The following NUP214 variants were observed in gnomAD, a reference collection of about 807,000 sequenced individuals.
NUP214 encodes nuclear pore complex protein Nup214.
In NUP214, 79 loss-of-function variants were observed where a neutral mutation model predicts 196.2. The observed-to-expected ratio is 0.40, with a 90% CI of 0.34 to 0.49. The LOEUF is 0.49. Ranked by LOEUF, NUP214 falls within the 20% of genes least tolerant of loss-of-function variation. NUP214 has a pLI of 0.58. For missense variants in NUP214, 2,468 were observed against 2,539.0 expected (o/e 0.97, Z 0.60); for synonymous variants, 1,020 against 990.5 (o/e 1.03, Z -0.56).
Position 131,125,954 on chromosome 9 carries a change from A to G in NUP214, c.45+205A>G. 1 of 628,544 alleles carries G rather than the reference A, an allele frequency of 1.6e-6. No homozygotes were observed. Among genetic ancestry groups the G allele is most frequent in the Non-Finnish European group, 2.8e-6 (1 of 362,390 alleles). The allele number at this position is 628,544 out of a possible 1,614,324, so 38.9% of individuals were successfully genotyped here. ...TCCCAGTCCCATCCTGGTCTCGTGC[A>G]CGGCTGTTGAGTTACCCTAGCTACT... On this transcript the variant is annotated intron_variant, in intron 1 of 35. Coordinates refer to ENST00000359428, the MANE Select transcript of NUP214 (RefSeq NM_005085.4). This position sits in a 1 kb window ranked among gnomAD's most constrained non-coding sequence, Gnocchi z 4.1.
chr9:131,128,273 G>T (rs1336865650), intron 2 of NUP214, 59 bp from the exon 3 acceptor site: 5 of 1,543,466 alleles, frequency 3.2e-6, no homozygotes, highest in Non-Finnish European at 4.4e-6. Context: ...CTGGATAGAG[G>T]TTGTGGCTTT....
rs559015007 is a variant in NUP214, at chr9:131,155,321, A to C, written c.2436+3427A>C. 6.2e-4 allele frequency among the ~76,000 whole-genome samples: 95 copies of C among 152,124 alleles called. 1 individual carries two copies. The highest frequency in any genetic ancestry group is 5.2e-3 in the South Asian group (25 of 4,822). ...AATTGTCTGTTCATGTCCTTAGCCC[A>C]CTTTTTGATGGGATTGTTTGTTTTG... On this transcript the variant is annotated intron_variant, in intron 17 of 35. Transcript: ENST00000359428.
chr9:131,144,680 G>A lies in NUP214; in HGVS notation c.1695G>A (p.Val565=). The A allele has an allele frequency of 1.9e-6, 3 of 1,614,150 alleles. No homozygotes were observed. Among genetic ancestry groups the A allele is most frequent in the East Asian group, 2.2e-5 (1 of 44,886 alleles). ...TGGAAAGCACACCAGTGCCAAGTGT[G>A]TCTGCTCCAAATATAGCAATGAAGC... ...PTLESTPVPS[V]SAPNIAMKPS... Residue 565 remains valine, a synonymous_variant, in exon 12 of 36, where the codon GTG becomes GTA. Coordinates refer to ENST00000359428, the MANE Select transcript of NUP214 (RefSeq NM_005085.4).
intron 31 of NUP214, chr9:131,222,510 A>G: frequency 3.2e-6 from 1 of 308,542 alleles, no homozygotes; most frequent in Non-Finnish European, 6.0e-6. Context: ...TTTCAGTGGG[A>G]CCTCTCACTG....
At position 131,135,465 on chromosome 9, in the gene NUP214, C is replaced by A. The variant is rs536669803; in HGVS notation, c.938+461C>A. On this transcript the variant is annotated intron_variant, in intron 8 of 35. Coordinates refer to ENST00000359428, the MANE Select transcript of NUP214 (RefSeq NM_005085.4). ...TAATGTCTTTCTATTATTTCTGTTT[C>A]CCCAATCTTGAATTATTTATCTTAA... Among the ~76,000 whole-genome samples the A allele has an allele frequency of 5.9e-5, 9 of 152,258 alleles. No homozygotes were observed. The South Asian group carries it at 1.9e-3, about 32-fold the overall frequency.
intron 11 of NUP214, among the ~76,000 whole-genome samples, chr9:131,142,917 A>G (rs1429543077): frequency 6.6e-6 from 1 of 152,236 alleles, no homozygotes; most frequent in Non-Finnish European, 1.5e-5. Flanking sequence ...AATAGAAAAT[A>G]TTGACACAAA....
At chr9:131,230,314 T>G in intron 33 of NUP214, 1 of 284,452 alleles carries the variant, frequency 3.5e-6, no homozygotes, top group Non-Finnish European at 6.6e-6. Context: ...AGCTTAAGGA[T>G]TGTTGGAGGT....
rs570570973 is a variant in NUP214, at chr9:131,201,145, A to G, written c.5522-502A>G. ...TTCATAAGTTGATTTATTATGGGCT[A>G]TCTTAGCACACCTGAATGTCATTTA... On this transcript the variant is annotated intron_variant, in intron 29 of 35. Coordinates refer to ENST00000359428, the MANE Select transcript of NUP214 (RefSeq NM_005085.4). Among the ~76,000 whole-genome samples the G allele has an allele frequency of 2.7e-5, 4 of 149,664 alleles. No homozygotes were observed. In the South Asian group the frequency reaches 8.7e-4, roughly 32 times the overall value.
At chr9:131,130,394 C>G (rs1158575575) in intron 4 of NUP214, among the ~76,000 whole-genome samples, 3 of 152,014 alleles carry the variant, frequency 2.0e-5, no homozygotes, top group African/African-American at 7.2e-5. Flanking sequence ...ATCCGTCCGT[C>G]TCATCCTCCC....
chr9:131,184,680 A>G (rs925885212), intron 24 of NUP214, among the ~76,000 whole-genome samples: 5 of 152,140 alleles, frequency 3.3e-5, no homozygotes, highest in African/African-American at 1.2e-4. Context: ...CTCTAATGCA[A>G]TTCCGTCTTA....
intron 30 of NUP214, among the ~76,000 whole-genome samples, chr9:131,206,261 T>G (rs1007793465): frequency 1.3e-5 from 2 of 150,630 alleles, no homozygotes; most frequent in African/African-American, 4.9e-5. Context: ...TTCTCCTGCC[T>G]TAGCTACCCA....
intron 18 of NUP214, 65 bp downstream of exon 18, chr9:131,159,551 T>TA: frequency 7.4e-7 from 1 of 1,351,776 alleles, no homozygotes; most frequent in Middle Eastern, 1.8e-4. Context: ...TTAAAAAGGT[T>TA]ATTTAGGAAC....
intron 32 of NUP214, among the ~76,000 whole-genome samples, chr9:131,224,708 T>G (rs1161029232): frequency 6.6e-6 from 1 of 152,248 alleles, no homozygotes; most frequent in East Asian, 1.9e-4. Context: ...TTGTTAATAC[T>G]GTTTTCCTAG....
chr9:131,159,241 C>T (rs115967576), intron 17 of NUP214, 142 bp from the exon 18 acceptor site: 2 of 636,914 alleles, frequency 3.1e-6, no homozygotes, highest in Non-Finnish European at 5.4e-6. Flanking sequence ...TTTTAAAAAT[C>T]GTATTAAAAC....
At position 131,144,690 on chromosome 9, in the gene NUP214, A is replaced by G. The variant is rs565629017; in HGVS notation, c.1705A>G (p.Asn569Asp). ...ACCAGTGCCAAGTGTGTCTGCTCCA[A>G]ATATAGCAATGAAGCCCTCCTTCCC... ...STPVPSVSAP[N>D]IAMKPSFPPS... The change falls in exon 12 of 36, where the codon AAT becomes GAT. Residue 569 changes from asparagine to aspartate, a missense_variant. By Grantham distance (23) the Asn-to-Asp change is conservative. This residue lies in a region of NUP214 where 1,801 missense variants were observed against 1,779.4 expected (regional missense o/e 1.01). Transcript: ENST00000359428. 7 of 1,614,078 alleles carry G rather than the reference A, an allele frequency of 4.3e-6. No individual in the cohort carries two copies. Among genetic ancestry groups the G allele is most frequent in the African/African-American group, 2.7e-5 (2 of 75,046 alleles).
In NUP214 at chr9:131,146,001, C is replaced by A; in HGVS notation, c.1770-128C>A. 1 of 904,792 alleles carries A rather than the reference C, an allele frequency of 1.1e-6. No individual in the cohort carries two copies. The allele number at this position is 904,792 out of a possible 1,614,324, so 56.0% of individuals were successfully genotyped here. On this transcript the variant is annotated intron_variant, in intron 12 of 35. Transcript: ENST00000359428. This position sits in a 1 kb window ranked among gnomAD's most constrained non-coding sequence, Gnocchi z 4.6. ...GCTAAACATTTTTGTTTCCTGAAGG[C>A]AAAAAGTATGTTATCTTTGTAAGTT...
At chr9:131,195,347 C>CA in intron 28 of NUP214, 53 bp downstream of exon 28, 1 of 1,444,188 alleles carries the variant, frequency 6.9e-7, no homozygotes, top group Non-Finnish European at 9.7e-7. Flanking sequence ...TAAATAAGTA[C>CA]AGGTTATTTT....
In NUP214 at chr9:131,151,635, C is replaced by T. The variant is rs1035221489; in HGVS notation, c.2278-101C>T. On this transcript the variant is annotated intron_variant, in intron 16 of 35. Coordinates refer to ENST00000359428, the MANE Select transcript of NUP214 (RefSeq NM_005085.4). Reference sequence around the variant, plus strand: ...AGTTAAATATGTTCAGATGTTCATTCTGTTCAGTGAGCGTTTGAGAAACAC... The same window carrying T: ...AGTTAAATATGTTCAGATGTTCATTTTGTTCAGTGAGCGTTTGAGAAACAC... 3 of 793,162 alleles carry T rather than the reference C, an allele frequency of 3.8e-6. No individual in the cohort carries two copies. In the African/African-American group the frequency reaches 5.3e-5, roughly 14 times the overall value. 49.1% of individuals were successfully genotyped at this position (793,162 alleles called of 1,614,324 possible). A position where few individuals can be genotyped will look rare whatever the true frequency, so the allele number is the denominator to read the frequency against.
chr9:131,185,220 T>C (rs560254661), intron 24 of NUP214, among the ~76,000 whole-genome samples: 2 of 152,364 alleles, frequency 1.3e-5, no homozygotes, highest in Admixed American at 1.3e-4. Context: ...TACACATCCA[T>C]GGAACATGTG....
Sources: allele counts gnomAD v4.1 joint callset (sites outside exome capture counted in the v4.1 genomes callset), GRCh38; gene constraint gnomAD v4.1.1; regional missense constraint gnomAD v4.1.1; non-coding constraint Gnocchi (gnomAD v3.1); transcripts MANE v1.5; gene names NCBI Gene and HGNC (gene_info 2026-07-23, HGNC 2026-07-21).